Variants in PCDHGA2 observed in about 807,000 individuals in gnomAD.
PCDHGA2 encodes the protein protocadherin gamma subfamily A, 2, also known as protocadherin gamma-A2.
Under a neutral mutation model 59.2 loss-of-function variants are expected in PCDHGA2, and 40 were observed. The ratio of observed to expected loss-of-function variants is 0.68; its 90% CI spans 0.52 to 0.88. The LOEUF (loss-of-function observed/expected upper bound fraction) is 0.88. Ranked by LOEUF, PCDHGA2 falls within the 40% of genes least tolerant of loss-of-function variation. The pLI is 0.00. For synonymous variants in PCDHGA2, 560 were observed against 526.0 expected (o/e 1.06, Z -0.89); for missense variants, 1,226 against 1,204.0 (o/e 1.02, Z -0.27).
chr5:141,405,390 T>C (rs1561700240), intron 1 of PCDHGA2: 1 of 1,600,118 alleles, frequency 6.2e-7, no homozygotes, highest in South Asian at 1.1e-5. Context: ...AGTTCATTTT[T>C]TTTCTTTCTT....
intron 1 of PCDHGA2, among the ~76,000 whole-genome samples, chr5:141,438,587 CATACATATAT>C (rs1422309749): frequency 6.8e-5 from 5 of 73,430 alleles, no homozygotes; most frequent in South Asian, 5.1e-4. Context: ...TACATACATA[CATACATATAT>C]ATATATATAT....
At chr5:141,492,993 G>A (rs952802686) in intron 1 of PCDHGA2, among the ~76,000 whole-genome samples, 5 of 152,216 alleles carry the variant, frequency 3.3e-5, no homozygotes, top group African/African-American at 1.2e-4. Flanking sequence ...CTGGCAGATG[G>A]AAAGCTATAG....
chr5:141,463,438 CTTTTTTTTTTT>C (rs71576115), intron 1 of PCDHGA2, among the ~76,000 whole-genome samples: 7 of 103,256 alleles, frequency 6.8e-5, no homozygotes, highest in African/African-American at 1.8e-4. Flanking sequence ...TTTCCTTCTC[CTTTTTTTTTTT>C]TTTTTTTTTT....
intron 1 of PCDHGA2, chr5:141,352,324 G>A (rs774613616): frequency 5.0e-6 from 8 of 1,613,962 alleles, no homozygotes; most frequent in Middle Eastern, 1.6e-4. Flanking sequence ...AGTTTTACCT[G>A]GTTGTGGCCT....
chr5:141,489,943 A>G lies in PCDHGA2; in HGVS notation c.2425-4864A>G. ...CCTTATCTCTGTCATCGTGCTGGAC[A>G]TCAATGATAATGCTCCAACCTTCCA... On this transcript the variant is annotated intron_variant, in intron 1 of 3. Transcript: ENST00000394576. The surrounding 1 kb of genome is among the most constrained non-coding windows in gnomAD (Gnocchi z 4.5). 5.6e-6 allele frequency: 9 copies of G among 1,614,190 alleles called. No homozygotes were observed. Among genetic ancestry groups the G allele is most frequent in the Non-Finnish European group, 7.6e-6 (9 of 1,180,016 alleles).
At chr5:141,458,803 G>A (rs2098953701) in intron 1 of PCDHGA2, among the ~76,000 whole-genome samples, 2 of 152,130 alleles carry the variant, frequency 1.3e-5, no homozygotes, top group African/African-American at 4.8e-5. Flanking sequence ...TGTGATCTCA[G>A]CTCACTGCAA....
chr5:141,382,576 G>A (rs1778302308), intron 1 of PCDHGA2, among the ~76,000 whole-genome samples: 1 of 152,162 alleles, frequency 6.6e-6, no homozygotes, highest in Non-Finnish European at 1.5e-5. Context: ...ATCTAACAGG[G>A]AAATTTTGAA....
chr5:141,450,678 G>C (rs1038323301), intron 1 of PCDHGA2, among the ~76,000 whole-genome samples: 1 of 151,854 alleles, frequency 6.6e-6, no homozygotes, highest in Non-Finnish European at 1.5e-5. Context: ...GTAGAAACGG[G>C]GTTTTGCCAT....
chr5:141,405,032 G>T lies in PCDHGA2; in HGVS notation c.2424+63637G>T, dbSNP rs747720731. On this transcript the variant is annotated intron_variant, in intron 1 of 3. Coordinates refer to ENST00000394576, the MANE Select transcript of PCDHGA2 (RefSeq NM_018915.4). Reference sequence around the variant, plus strand: ...GGCCTCAGACCTTACCCTCTACCTCGTTGTGGCTGTGGCAGTCGTCTCCTG... The same window carrying T: ...GGCCTCAGACCTTACCCTCTACCTCTTTGTGGCTGTGGCAGTCGTCTCCTG... The T allele has an allele frequency of 1.9e-6, 3 of 1,613,806 alleles. No homozygotes were observed. Among genetic ancestry groups the T allele is most frequent in the Admixed American group, 3.3e-5 (2 of 59,992 alleles).
chr5:141,384,450 G>T (rs756281053), intron 1 of PCDHGA2: 1 of 1,614,042 alleles, frequency 6.2e-7, no homozygotes, highest in South Asian at 1.1e-5. Context: ...TGTACGCGCT[G>T]CAATCCTTTG....
chr5:141,429,572 T>C (rs1450720834), intron 1 of PCDHGA2, among the ~76,000 whole-genome samples: 1 of 152,226 alleles, frequency 6.6e-6, no homozygotes, highest in South Asian at 2.1e-4. Context: ...TTCAGTTACA[T>C]TTACTTTTGA....
At chr5:141,354,618 C>T (rs2149781201) in intron 1 of PCDHGA2, among the ~76,000 whole-genome samples, 1 of 152,348 alleles carries the variant, frequency 6.6e-6, no homozygotes, top group East Asian at 1.9e-4. Context: ...GTCCCACTGT[C>T]TTTTCACTTA....
chr5:141,409,912 C>T (rs775668669), intron 1 of PCDHGA2: 5 of 1,613,180 alleles, frequency 3.1e-6, no homozygotes, highest in Non-Finnish European at 2.5e-6. Context: ...TGGGTCCTGA[C>T]GGCTCCGCGT....
Position 141,340,272 on chromosome 5 carries a change from C to T in PCDHGA2, c.1301C>T (p.Thr434Met). 6.2e-7 allele frequency: 1 copy of T among 1,614,166 alleles called. No homozygotes were observed. Among genetic ancestry groups the T allele is most frequent in the South Asian group, 1.1e-5 (1 of 91,082 alleles). ...GATGGAGGGAACCCCTCCCTGTCCA[C>T]GGATGCTCACATTTTGCTCCAGGTG... ...AKDGGNPSLS[T>M]DAHILLQVAD... Residue 434 changes from threonine (T) to methionine (M), a missense_variant, in exon 1 of 4, where the codon ACG (threonine) becomes ATG (methionine). By Grantham distance (81) the Thr-to-Met change is moderately conservative. Coordinates refer to ENST00000394576, the MANE Select transcript of PCDHGA2 (RefSeq NM_018915.4).
At chr5:141,375,523 C>T (rs571977774) in intron 1 of PCDHGA2, 2 of 1,614,032 alleles carry the variant, frequency 1.2e-6, no homozygotes, top group Non-Finnish European at 1.7e-6. Flanking sequence ...TGGACCCTGA[C>T]GTGGACCAGA....
At chr5:141,394,536 G>T in intron 1 of PCDHGA2, 2 of 1,614,188 alleles carry the variant, frequency 1.2e-6, no homozygotes, top group Non-Finnish European at 1.7e-6. Flanking sequence ...TTCCACTGGC[G>T]TGGAGCTGGC....
intron 1 of PCDHGA2, chr5:141,399,214 G>A: frequency 6.2e-7 from 1 of 1,613,956 alleles, no homozygotes; most frequent in African/African-American, 1.3e-5. Context: ...AACACTAATT[G>A]CTTTGATCAA....
chr5:141,367,752 C>G (rs1039897453), intron 1 of PCDHGA2: 1 of 152,068 alleles, frequency 6.6e-6, no homozygotes, highest in African/African-American at 2.4e-5. Context: ...GAGTTACATA[C>G]TGCTGCACTC....
Position 141,376,152 on chromosome 5 carries a change from C to G in PCDHGA2, c.2424+34757C>G, listed in dbSNP as rs376990625. 10 of 1,614,026 alleles carry G rather than the reference C, an allele frequency of 6.2e-6. No individual in the cohort carries two copies. In the African/African-American group the frequency reaches 1.3e-4, roughly 22 times the overall value. On this transcript the variant is annotated intron_variant, in intron 1 of 3. Transcript: ENST00000394576. ...GCCAAACCCAACGATTCGGACCTCACTCTGTACCTGGTGGTGGCGGTGGCC... is the reference window on the plus strand; with the variant it reads ...GCCAAACCCAACGATTCGGACCTCAGTCTGTACCTGGTGGTGGCGGTGGCC...
Sources: gnomAD v4.1 joint callset for allele counts (sites outside exome capture counted in the v4.1 genomes callset) on GRCh38, gnomAD v4.1.1 for gene constraint, Gnocchi (gnomAD v3.1) non-coding constraint, MANE v1.5 for transcripts, NCBI Gene and HGNC (gene_info 2026-07-23, HGNC 2026-07-21) for gene names.